Variants in TRARG1 observed in about 807,000 individuals in gnomAD.
TRARG1 encodes the protein trafficking regulator of GLUT4 (SLC2A4) 1 (gene/pseudogene), also known as trafficking regulator of GLUT4 1.
TRARG1 carries 16 observed loss-of-function variants against 13.3 expected under a neutral mutation model. The ratio of observed to expected loss-of-function variants is 1.20; its 90% CI spans 0.81 to 1.83. The LOEUF (loss-of-function observed/expected upper bound fraction) is 1.83, where lower values mean the gene tolerates loss of function less well. TRARG1 is among the 40% of genes most tolerant of loss of function. TRARG1 has a pLI of 0.00. For missense variants in TRARG1, 250 were observed against 237.4 expected (o/e 1.05, Z -0.35); for synonymous variants, 113 against 106.2 (o/e 1.06, Z -0.39).
rs142143865 is a variant in TRARG1, at chr17:1,297,130, G to A, written c.521-1121G>A. Among the ~76,000 whole-genome samples, 121 of 152,156 alleles carry A rather than the reference G, an allele frequency of 8.0e-4. 2 individuals are homozygous for A. The East Asian group carries it at 0.013, about 16-fold the overall frequency. On this transcript the variant is annotated intron_variant, in intron 2 of 2. Transcript: ENST00000333813. ...CCTAAGCTTTTCCCCTAAAGACCTC[G>A]CTGCTCAAACTGTGCTCCCTGGACC...
chr17:1,291,362 C>T (rs992286092), intron 1 of TRARG1, among the ~76,000 whole-genome samples: 9 of 152,212 alleles, frequency 5.9e-5, no homozygotes, highest in African/African-American at 2.4e-5. Flanking sequence ...CCACCTGCCT[C>T]GGCCTCCCAA....
chr17:1,282,591 G>T (rs1006604815), intron 1 of TRARG1, among the ~76,000 whole-genome samples: 1 of 151,260 alleles, frequency 6.6e-6, no homozygotes, highest in Admixed American at 6.6e-5. Flanking sequence ...GGCTGGTCTT[G>T]AACTCCCGAC....
chr17:1,287,146 G>C (rs1266600751), intron 1 of TRARG1, among the ~76,000 whole-genome samples: 1 of 151,894 alleles, frequency 6.6e-6, no homozygotes, highest in African/African-American at 2.4e-5. Context: ...GGGAAGTTGG[G>C]AGTTGAGTTT....
chr17:1,281,418 G>A (rs938445039), intron 1 of TRARG1, among the ~76,000 whole-genome samples: 4 of 151,928 alleles, frequency 2.6e-5, no homozygotes, highest in African/African-American at 4.8e-5. Flanking sequence ...CACCATCACC[G>A]AACCCCCAGG....
At chr17:1,297,616 T>C (rs1364040796) in intron 2 of TRARG1, among the ~76,000 whole-genome samples, 2 of 147,012 alleles carry the variant, frequency 1.4e-5, no homozygotes, top group African/African-American at 2.6e-5. Flanking sequence ...TTTTTTTTTT[T>C]TTCCCCAGAC....
At chr17:1,286,211 G>T (rs1473877178) in intron 1 of TRARG1, among the ~76,000 whole-genome samples, 1 of 152,222 alleles carries the variant, frequency 6.6e-6, no homozygotes, top group Non-Finnish European at 1.5e-5. Flanking sequence ...AGGCCTCCAG[G>T]GATGTGGGTC....
At chr17:1,286,393 G>A (rs1382280772) in intron 1 of TRARG1, among the ~76,000 whole-genome samples, 1 of 108,930 alleles carries the variant, frequency 9.2e-6, no homozygotes, top group Non-Finnish European at 1.8e-5. Flanking sequence ...GGCCTGTGGG[G>A]TGTTATCGGC....
At chr17:1,296,173 G>A (rs1401041198) in intron 2 of TRARG1, among the ~76,000 whole-genome samples, 1 of 152,184 alleles carries the variant, frequency 6.6e-6, no homozygotes, top group African/African-American at 2.4e-5. Context: ...CCAACCAGGG[G>A]AAACATTTTT....
chr17:1,284,395 T>C (rs984688529), intron 1 of TRARG1, among the ~76,000 whole-genome samples: 2 of 152,320 alleles, frequency 1.3e-5, no homozygotes, highest in Non-Finnish European at 2.9e-5. Context: ...GGAGTGTGGT[T>C]GGATCTCCAT....
At chr17:1,290,355 G>A (rs1177855933) in intron 1 of TRARG1, among the ~76,000 whole-genome samples, 4 of 152,134 alleles carry the variant, frequency 2.6e-5, no homozygotes, top group Admixed American at 6.6e-5. Context: ...GAGTGCAATG[G>A]CGTGATCTCA....
At chr17:1,293,701 A>G (rs558610208) in intron 1 of TRARG1, among the ~76,000 whole-genome samples, 40 of 147,498 alleles carry the variant, frequency 2.7e-4, no homozygotes, top group African/African-American at 1.0e-3. Context: ...TTGTGGGTTG[A>G]GTTTGATGAT....
intron 1 of TRARG1, among the ~76,000 whole-genome samples, chr17:1,288,033 C>T (rs2072036027): frequency 6.6e-6 from 1 of 152,016 alleles, no homozygotes; most frequent in Admixed American, 6.5e-5. Context: ...CTGACCTCAG[C>T]CTCTCTCTGT....
intron 1 of TRARG1, among the ~76,000 whole-genome samples, chr17:1,291,678 C>T (rs551896936): frequency 4.6e-5 from 7 of 152,212 alleles, no homozygotes; most frequent in African/African-American, 1.7e-4. Context: ...ATACCTAGCA[C>T]GAGATACACG....
rs2071958751 is a variant in TRARG1 at position 1,279,904 on chromosome 17, TGGAG to T, written c.-96_-93del. 7.0e-7 allele frequency: 1 copy of T among 1,426,964 alleles called. No homozygotes were observed. The highest frequency in any genetic ancestry group is 9.4e-7 in the Non-Finnish European group (1 of 1,064,106). The allele number at this position is 1,426,964 out of a possible 1,614,324, so 88.4% of individuals were successfully genotyped here. ...CTGAGGGACGCCCCTGCCCCCGACC[TGGAG>T]GCCCTCAGTCTGGGCTGGGGAATGG... On this transcript the variant is annotated 5_prime_UTR_variant, in exon 1 of 3. Coordinates refer to ENST00000333813, the MANE Select transcript of TRARG1 (RefSeq NM_172367.3).
At chr17:1,284,114 CA>C (rs747664490) in intron 1 of TRARG1, among the ~76,000 whole-genome samples, 43 of 124,116 alleles carry the variant, frequency 3.5e-4, no homozygotes, top group Non-Finnish European at 3.2e-4. Flanking sequence ...GATTCTGTCT[CA>C]AAAAAAAAAA....
chr17:1,296,666 C>T (rs1567933524), intron 2 of TRARG1, among the ~76,000 whole-genome samples: 1 of 152,160 alleles, frequency 6.6e-6, no homozygotes, highest in African/African-American at 2.4e-5. Context: ...TGCCCACCAC[C>T]GCACCCAGCT....
intron 1 of TRARG1, among the ~76,000 whole-genome samples, chr17:1,285,475 G>A (rs997718753): frequency 1.3e-5 from 2 of 150,208 alleles, no homozygotes; most frequent in African/African-American, 4.9e-5. Context: ...GAGAGGCCAA[G>A]GCGGGTGGAT....
At position 1,299,600 on chromosome 17, in the gene TRARG1, T is replaced by G. The variant is rs1181215377; in HGVS notation, c.*1336T>G. The G allele has an allele frequency of 6.6e-6, 1 of 152,170 alleles. No homozygotes were observed. Among genetic ancestry groups the G allele is most frequent in the East Asian group, 1.9e-4 (1 of 5,176 alleles). 9.4% of individuals were successfully genotyped at this position (152,170 alleles called of 1,614,324 possible). Reference sequence around the variant, plus strand: ...TCCAGGCCCATGATTTTCCCTACACTTCTCCCTGGCCCAGGCTCCAGCCAC... The same window carrying G: ...TCCAGGCCCATGATTTTCCCTACACGTCTCCCTGGCCCAGGCTCCAGCCAC... On this transcript the variant is annotated 3_prime_UTR_variant, in exon 3 of 3. Coordinates refer to ENST00000333813, the MANE Select transcript of TRARG1 (RefSeq NM_172367.3).
chr17:1,280,132 C>G lies in TRARG1; in HGVS notation c.131C>G (p.Ser44Cys), dbSNP rs746643952. 1 of 1,613,968 alleles carries G rather than the reference C, an allele frequency of 6.2e-7. No homozygotes were observed. The highest frequency in any genetic ancestry group is 2.2e-5 in the East Asian group (1 of 44,886). Residue 44 changes from serine (S) to cysteine (C), a missense_variant, in exon 1 of 3, where the codon TCC (serine) becomes TGC (cysteine). By Grantham distance (112) the Ser-to-Cys change is moderately radical. Coordinates refer to ENST00000333813, the MANE Select transcript of TRARG1 (RefSeq NM_172367.3). The part of the protein sequence containing the change: ...ENKDDKTLNL[S>C]KTLSGPLDLE... ...AAGGATGACAAGACCCTGAATCTGT[C>G]CAAGACCCTCTCGGGGCCTCTGGAT...
Sources: allele counts gnomAD v4.1 joint callset (sites outside exome capture counted in the v4.1 genomes callset), GRCh38; gene constraint gnomAD v4.1.1; transcripts MANE v1.5; gene names NCBI Gene and HGNC (gene_info 2026-07-23, HGNC 2026-07-21).